Variants in KLHL1 observed in about 807,000 individuals in gnomAD.
The protein encoded by KLHL1 is kelch-like protein 1.
A neutral mutation model predicts 77.7 loss-of-function variants in KLHL1; 47 were observed. The ratio of observed to expected loss-of-function variants is 0.60; its 90% CI spans 0.48 to 0.77. The LOEUF is 0.77. KLHL1 is among the 30% of genes least tolerant of loss of function. KLHL1 has a pLI of 0.00. For synonymous variants in KLHL1, 360 were observed against 325.2 expected (o/e 1.11, Z -1.15); for missense variants, 925 against 910.8 (o/e 1.02, Z -0.20).
At chr13:69,853,518 T>C (rs948848326) in intron 5 of KLHL1, among the ~76,000 whole-genome samples, 1 of 152,008 alleles carries the variant, frequency 6.6e-6, no homozygotes, top group African/African-American at 2.4e-5. Flanking sequence ...AATGAAGTAA[T>C]ACAACTACTT....
At chr13:70,048,019 T>C (rs558422213) in intron 1 of KLHL1, among the ~76,000 whole-genome samples, 92 of 152,312 alleles carry the variant, frequency 6.0e-4, no homozygotes, top group African/African-American at 2.1e-3. Flanking sequence ...AGATATGTTT[T>C]CATTACTTTT....
intron 1 of KLHL1, among the ~76,000 whole-genome samples, chr13:70,059,494 C>G (rs1886825320): frequency 6.6e-6 from 1 of 152,006 alleles, no homozygotes; most frequent in African/African-American, 2.4e-5. Context: ...TGAGTAATAC[C>G]TCATAAGCAC....
rs141296551 is a variant in KLHL1 at position 69,796,944 on chromosome 13, T to G, written c.1433A>C (p.Lys478Thr). The G allele has an allele frequency of 6.2e-7, 1 of 1,613,956 alleles. No homozygotes were observed. Among genetic ancestry groups the G allele is most frequent in the Non-Finnish European group, 8.5e-7 (1 of 1,179,936 alleles). ...CCACAGATTTGTTCTCAGATCATATTTCTCTATAGTTGTAGCTCCTGATAA... is the reference window on the plus strand; with the variant it reads ...CCACAGATTTGTTCTCAGATCATATGTCTCTATAGTTGTAGCTCCTGATAA... ...DNNKGATTIE[K>T]YDLRTNLWIQ... is the part of the protein sequence containing the mutation. The change falls in exon 7 of 11, where the codon AAA becomes ACA. Residue 478 changes from lysine (K) to threonine (T), a missense_variant. Lys to Thr is a moderately conservative substitution (Grantham distance 78). Coordinates refer to ENST00000377844, the MANE Select transcript of KLHL1 (RefSeq NM_020866.3).
chr13:70,039,929 A>C (rs1364084320), intron 1 of KLHL1, among the ~76,000 whole-genome samples: 4 of 152,080 alleles, frequency 2.6e-5, no homozygotes, highest in African/African-American at 4.8e-5. Context: ...GAACTTTAAA[A>C]AAATATATAT....
At chr13:69,912,082 T>C (rs909670428) in intron 4 of KLHL1, among the ~76,000 whole-genome samples, 7 of 152,108 alleles carry the variant, frequency 4.6e-5, no homozygotes, top group Admixed American at 2.6e-4. Context: ...AGATGTGAAA[T>C]TGCTCTTTGG....
At chr13:69,847,998 A>G (rs991906323) in intron 5 of KLHL1, among the ~76,000 whole-genome samples, 6 of 151,554 alleles carry the variant, frequency 4.0e-5, no homozygotes, top group African/African-American at 1.5e-4. Flanking sequence ...CAGGGAAACA[A>G]TGATCATATT....
chr13:69,851,941 A>G (rs970372289), intron 5 of KLHL1, among the ~76,000 whole-genome samples: 1 of 151,916 alleles, frequency 6.6e-6, no homozygotes, highest in African/African-American at 2.4e-5. Context: ...TGAAATTATT[A>G]CTTGAAATTG....
chr13:70,101,999 A>AT (rs1367347602), intron 1 of KLHL1, among the ~76,000 whole-genome samples: 2 of 151,386 alleles, frequency 1.3e-5, no homozygotes, highest in African/African-American at 2.4e-5. Flanking sequence ...CCATTATATT[A>AT]TTTTTTACTC....
At chr13:69,898,161 A>G (rs976632054) in intron 4 of KLHL1, among the ~76,000 whole-genome samples, 5 of 152,156 alleles carry the variant, frequency 3.3e-5, no homozygotes, top group African/African-American at 1.2e-4. Flanking sequence ...CCACCAAATA[A>G]TTCCTGCCTA....
chr13:69,750,107 T>C (rs563218627), intron 7 of KLHL1, among the ~76,000 whole-genome samples: 64 of 151,652 alleles, frequency 4.2e-4, no homozygotes, highest in African/African-American at 1.4e-3. Flanking sequence ...GATTTAATCA[T>C]TGTATTAAAT....
intron 1 of KLHL1, among the ~76,000 whole-genome samples, chr13:70,064,333 G>GTT (rs972126277): frequency 6.6e-6 from 1 of 152,138 alleles, no homozygotes; most frequent in African/African-American, 2.4e-5. Context: ...TTTCATAAAT[G>GTT]TAAGTGTGAA....
intron 1 of KLHL1, among the ~76,000 whole-genome samples, chr13:70,018,277 T>G (rs1007623161): frequency 6.6e-6 from 1 of 152,204 alleles, no homozygotes; most frequent in Non-Finnish European, 1.5e-5. Flanking sequence ...AATTAGAAAG[T>G]TGATAAATGG....
At chr13:69,990,170 G>A (rs1884989275) in intron 1 of KLHL1, among the ~76,000 whole-genome samples, 1 of 151,952 alleles carries the variant, frequency 6.6e-6, no homozygotes, top group South Asian at 2.1e-4. Flanking sequence ...AAGAGCTCCT[G>A]AAAGCAGCAC....
At chr13:69,891,402 T>C (rs1881422181) in intron 4 of KLHL1, among the ~76,000 whole-genome samples, 1 of 152,092 alleles carries the variant, frequency 6.6e-6, no homozygotes, top group South Asian at 2.1e-4. Flanking sequence ...TTCAAGATCA[T>C]CATACAGGAG....
chr13:70,033,674 C>T (rs1030465028), intron 1 of KLHL1, among the ~76,000 whole-genome samples: 7 of 126,110 alleles, frequency 5.6e-5, no homozygotes, highest in African/African-American at 2.2e-4. Context: ...GGCTGGCATG[C>T]AGTGGCACCA....
intron 1 of KLHL1, among the ~76,000 whole-genome samples, chr13:70,046,291 G>T (rs1281418806): frequency 1.3e-5 from 2 of 152,106 alleles, no homozygotes; most frequent in Non-Finnish European, 2.9e-5. Flanking sequence ...ATTTTGGGAT[G>T]GCATAAATTA....
intron 1 of KLHL1, among the ~76,000 whole-genome samples, chr13:69,988,306 A>G (rs1293237065): frequency 6.6e-6 from 1 of 152,002 alleles, no homozygotes; most frequent in Admixed American, 6.6e-5. Context: ...ATTCTTTTTC[A>G]TGGTTGCATA....
intron 5 of KLHL1, among the ~76,000 whole-genome samples, chr13:69,841,379 A>G (rs531020535): frequency 2.6e-5 from 4 of 152,022 alleles, no homozygotes; most frequent in Non-Finnish European, 5.9e-5. Flanking sequence ...TGAAATCAAT[A>G]TACAAAAGTC....
intron 1 of KLHL1, among the ~76,000 whole-genome samples, chr13:69,982,757 T>C (rs1884747532): frequency 6.6e-6 from 1 of 151,712 alleles, no homozygotes; most frequent in Admixed American, 6.6e-5. Context: ...TCAGATAAAA[T>C]AGACTTTAAG....
Sources: gnomAD v4.1 joint callset for allele counts (sites outside exome capture counted in the v4.1 genomes callset) on GRCh38, gnomAD v4.1.1 for gene constraint, MANE v1.5 for transcripts, NCBI Gene and HGNC (gene_info 2026-07-23, HGNC 2026-07-21) for gene names.